Variants in WDR41 observed in about 807,000 individuals in gnomAD.
WDR41 encodes the protein WD repeat-containing protein 41.
In WDR41, 63 loss-of-function variants were observed where a neutral mutation model predicts 69.3. That is an observed-to-expected ratio of 0.91 (90% CI 0.74 to 1.12). The LOEUF (loss-of-function observed/expected upper bound fraction) is 1.12, where lower values mean the gene tolerates loss of function less well. Among genes scored for constraint, WDR41 ranks in the 50% most tolerant of loss-of-function variants. The probability of loss-of-function intolerance (pLI) is 0.00; values close to 1 mark genes in which losing one functional copy is unlikely to be tolerated. For missense variants in WDR41, 543 were observed against 534.5 expected (o/e 1.02, Z -0.16); for synonymous variants, 185 against 192.1 (o/e 0.96, Z 0.31).
intron 2 of WDR41, among the ~76,000 whole-genome samples, chr5:77,473,091 C>G (rs1331357446): frequency 6.6e-6 from 1 of 152,098 alleles, no homozygotes; most frequent in Non-Finnish European, 1.5e-5. Flanking sequence ...GTACCAAAAA[C>G]AGAGATATAG....
At chr5:77,558,094 T>TTAAAAAAAAA (rs1554036365) in intron 1 of WDR41, among the ~76,000 whole-genome samples, 9 of 104,300 alleles carry the variant, frequency 8.6e-5, no homozygotes, top group African/African-American at 1.4e-4. Flanking sequence ...ATGTTCTTTT[T>TTAAAAAAAAA]AAAAAAAAAA....
At chr5:77,441,131 G>T in intron 8 of WDR41, 134 bp from the exon 9 acceptor site, 1 of 838,596 alleles carries the variant, frequency 1.2e-6, no homozygotes, top group South Asian at 3.2e-5. Context: ...CAAGCCAACA[G>T]AAAGATTAAT....
At chr5:77,551,064 A>G (rs750168458) in intron 1 of WDR41, among the ~76,000 whole-genome samples, 2 of 152,130 alleles carry the variant, frequency 1.3e-5, no homozygotes, top group South Asian at 4.2e-4. Flanking sequence ...AAGGAGAGAG[A>G]GAGGGGAGTA....
At chr5:77,504,143 GA>G (rs56917623) in intron 1 of WDR41, among the ~76,000 whole-genome samples, 9,437 of 143,410 alleles carry the variant, frequency 0.066, 511 homozygotes, top group African/African-American at 0.15. Context: ...GACTAATAAA[GA>G]AAAAAAAAAG....
intron 1 of WDR41, among the ~76,000 whole-genome samples, chr5:77,528,824 G>A (rs1037728678): frequency 2.0e-5 from 3 of 151,434 alleles, no homozygotes; most frequent in African/African-American, 4.8e-5. Flanking sequence ...GACAAAATTC[G>A]ATATCTCATC....
intron 1 of WDR41, among the ~76,000 whole-genome samples, chr5:77,614,247 A>G (rs1376605389): frequency 2.7e-5 from 4 of 150,164 alleles, no homozygotes; most frequent in Admixed American, 6.6e-5. Flanking sequence ...GCGATTCCTC[A>G]GGGATCTAGA....
chr5:77,576,063 G>T (rs79545363), intron 1 of WDR41, among the ~76,000 whole-genome samples: 6,385 of 152,120 alleles, frequency 0.042, 270 homozygotes, highest in South Asian at 0.2. Context: ...TTCTCTCCTG[G>T]ATAACCTCTT....
chr5:77,510,895 C>A (rs1303601932), intron 1 of WDR41, among the ~76,000 whole-genome samples: 4 of 150,972 alleles, frequency 2.6e-5, no homozygotes, highest in Admixed American at 2.6e-4. Context: ...CTTCAGCCTC[C>A]CAAGTAGCTG....
Position 77,453,834 on chromosome 5 carries a change from C to G in WDR41, c.506G>C (p.Ser169Thr). Residue 169 changes from serine to threonine, a missense_variant, in exon 6 of 13, where the codon AGC becomes ACC. Coordinates refer to ENST00000296679, the MANE Select transcript of WDR41 (RefSeq NM_018268.4). The part of the protein sequence containing the change: ...NRKLDLLCKT[S>T]HLSDTGISAL... ...TTTTTTACCTGTATCAGAAAGGTGG[C>G]TAGTCTTACACAGGAGATCTAATTT... 1 of 1,613,898 alleles carries G rather than the reference C, an allele frequency of 6.2e-7. No homozygotes were observed. Among genetic ancestry groups the G allele is most frequent in the Non-Finnish European group, 8.5e-7 (1 of 1,179,872 alleles).
intron 2 of WDR41, among the ~76,000 whole-genome samples, chr5:77,484,911 G>A (rs1262895560): frequency 2.0e-5 from 3 of 152,158 alleles, no homozygotes; most frequent in Non-Finnish European, 2.9e-5. Flanking sequence ...TCGGCTCCTA[G>A]TCACTGGGAT....
At chr5:77,565,518 A>T (rs375736379) in intron 1 of WDR41, among the ~76,000 whole-genome samples, 1 of 152,146 alleles carries the variant, frequency 6.6e-6, no homozygotes, top group African/African-American at 2.4e-5. Context: ...CTGGACTGCA[A>T]TCATGGCAAT....
chr5:77,463,919 ACAGT>A (rs3839279), intron 3 of WDR41, among the ~76,000 whole-genome samples: 39,789 of 151,970 alleles, frequency 0.26, 5,798 homozygotes, highest in Non-Finnish European at 0.33. Flanking sequence ...AAGATCTGAC[ACAGT>A]CAGACTAGAT....
intron 1 of WDR41, among the ~76,000 whole-genome samples, chr5:77,566,605 T>C (rs1271019182): frequency 6.6e-6 from 1 of 152,150 alleles, no homozygotes; most frequent in Non-Finnish European, 1.5e-5. Context: ...AAGGGATTTA[T>C]TTATTCAGTG....
chr5:77,556,110 T>C (rs1743386864), intron 1 of WDR41, among the ~76,000 whole-genome samples: 1 of 140,240 alleles, frequency 7.1e-6, no homozygotes, highest in African/African-American at 2.7e-5. Flanking sequence ...TTTTTTTTTT[T>C]TTTTTTTTTT....
intron 5 of WDR41, among the ~76,000 whole-genome samples, chr5:77,458,473 T>C (rs182917836): frequency 3.2e-4 from 48 of 152,166 alleles, no homozygotes; most frequent in Non-Finnish European, 5.3e-4. Context: ...ACAGTGGCAC[T>C]TTCTCTGAAC....
At chr5:77,481,665 G>T (rs1399479503) in intron 2 of WDR41, among the ~76,000 whole-genome samples, 2 of 151,712 alleles carry the variant, frequency 1.3e-5, no homozygotes, top group Non-Finnish European at 2.9e-5. Context: ...CATGCCTGTA[G>T]TCCCAGCTAC....
intron 1 of WDR41, among the ~76,000 whole-genome samples, chr5:77,497,431 G>A (rs1801949985): frequency 6.6e-6 from 1 of 151,808 alleles, no homozygotes; most frequent in African/African-American, 2.4e-5. Flanking sequence ...ATTAAAACTG[G>A]GCAAAGGACT....
In WDR41 at chr5:77,608,513, C is replaced by A. The variant is rs116272612; in HGVS notation, c.42+11966G>T. Reference sequence around the variant, plus strand: ...AAATTTAAAAAGTAAAATAAAAAAACCAGCTTCTTCATCACAACAGCCACA... The same window carrying A: ...AAATTTAAAAAGTAAAATAAAAAAAACAGCTTCTTCATCACAACAGCCACA... On this transcript the variant is annotated intron_variant, in intron 1 of 5. Transcript: ENST00000509971. 9.0e-3 allele frequency among the ~76,000 whole-genome samples: 1,374 copies of A among 152,274 alleles called. 23 individuals carry two copies. Among genetic ancestry groups the A allele is most frequent in the African/African-American group, 0.03 (1,264 of 41,540 alleles).
intron 2 of WDR41, among the ~76,000 whole-genome samples, chr5:77,485,819 G>A (rs1009812202): frequency 6.6e-6 from 1 of 151,922 alleles, no homozygotes; most frequent in Non-Finnish European, 1.5e-5. Flanking sequence ...AAACCAATCC[G>A]AGAAAATTTT....
Sources: allele counts gnomAD v4.1 joint callset (sites outside exome capture counted in the v4.1 genomes callset), GRCh38; gene constraint gnomAD v4.1.1; transcripts MANE v1.5; gene names NCBI Gene and HGNC (gene_info 2026-07-23, HGNC 2026-07-21).